SPTLC3: variants seen among roughly 807,000 people sequenced by gnomAD.
The protein encoded by SPTLC3 is serine palmitoyltransferase long chain base subunit 3, also known as serine palmitoyltransferase 3.
In SPTLC3, 36 loss-of-function variants were observed where a neutral mutation model predicts 59.3. That is an observed-to-expected ratio of 0.61 (90% CI 0.47 to 0.80). SPTLC3 has a LOEUF of 0.80. Among genes scored for constraint, SPTLC3 ranks in the 30% least tolerant of loss-of-function variants. The pLI is 0.00. For synonymous variants in SPTLC3, 257 were observed against 240.8 expected, an observed-to-expected ratio of 1.07 and a Z score of -0.62; for missense variants, 625 against 685.1, an observed-to-expected ratio of 0.91 and a Z score of 0.98.
intron 1 of SPTLC3, among the ~76,000 whole-genome samples, chr20:13,047,768 G>C (rs1388238313): frequency 6.6e-6 from 1 of 151,996 alleles, no homozygotes; most frequent in Non-Finnish European, 1.5e-5. Context: ...TTTTTACTAT[G>C]AAAAATTTCA....
chr20:13,031,257 G>A (rs1332791039), intron 1 of SPTLC3, among the ~76,000 whole-genome samples: 1 of 152,122 alleles, frequency 6.6e-6, no homozygotes, highest in Non-Finnish European at 1.5e-5. Context: ...TGAGAATATT[G>A]AGCACTTGAA....
At chr20:13,043,405 C>A (rs1267346945) in intron 1 of SPTLC3, among the ~76,000 whole-genome samples, 1 of 152,166 alleles carries the variant, frequency 6.6e-6, no homozygotes, top group Non-Finnish European at 1.5e-5. Flanking sequence ...TGTCATGTTG[C>A]ATGGGCTGCC....
chr20:13,018,123 T>C (rs1213977730), intron 1 of SPTLC3, among the ~76,000 whole-genome samples: 1 of 152,210 alleles, frequency 6.6e-6, no homozygotes, highest in Non-Finnish European at 1.5e-5. Context: ...TCATGGATCA[T>C]AGACCAGCTG....
At chr20:13,107,155 C>T (rs986402736) in intron 6 of SPTLC3, among the ~76,000 whole-genome samples, 5 of 152,182 alleles carry the variant, frequency 3.3e-5, no homozygotes, top group East Asian at 1.9e-4. Flanking sequence ...AGCATACAAA[C>T]GTCTGGGCCC....
rs1203522682 is a variant in SPTLC3 at position 13,167,485 on chromosome 20, T to A, written c.*2618T>A. 6.6e-6 allele frequency: 1 copy of A among 152,180 alleles called. No individual in the cohort carries two copies. The highest frequency in any genetic ancestry group is 1.5e-5 in the Non-Finnish European group (1 of 68,034). The allele number at this position is 152,180 out of a possible 1,614,324, so 9.4% of individuals were successfully genotyped here. On this transcript the variant is annotated 3_prime_UTR_variant, in exon 12 of 12. Coordinates refer to ENST00000399002, the MANE Select transcript of SPTLC3 (RefSeq NM_018327.4). ...CACACACACATACACATATGCATTT[T>A]TCCTTTACGGAGTAAGCAACTATGA... is the stretch of plus-strand genomic sequence containing the variant.
chr20:13,051,298 A>G (rs1267559626), intron 2 of SPTLC3, among the ~76,000 whole-genome samples: 1 of 152,242 alleles, frequency 6.6e-6, no homozygotes. Flanking sequence ...AGCTATTCTA[A>G]TATCAGACAA....
intron 1 of SPTLC3, among the ~76,000 whole-genome samples, chr20:13,030,012 A>G (rs1405047485): frequency 6.6e-6 from 1 of 152,202 alleles, no homozygotes; most frequent in African/African-American, 2.4e-5. Context: ...GTAGCTCAGC[A>G]AGGAGGTGCA....
chr20:13,154,275 C>CGT, intron 10 of SPTLC3, 137 bp downstream of exon 10: 4 of 1,120,434 alleles, frequency 3.6e-6, no homozygotes, highest in Non-Finnish European at 5.0e-6. Context: ...TCTCGGAAGC[C>CGT]ACCTGTCACT....
Position 13,167,851 on chromosome 20 carries a change from T to A in SPTLC3, c.*2984T>A, listed in dbSNP as rs1357077588. 2 of 152,210 alleles carry A rather than the reference T, an allele frequency of 1.3e-5. No individual in the cohort carries two copies. The highest frequency in any genetic ancestry group is 1.3e-4 in the Admixed American group (2 of 15,278). 9.4% of individuals were successfully genotyped at this position (152,210 alleles called of 1,614,324 possible). On this transcript the variant is annotated 3_prime_UTR_variant, in exon 12 of 12. Coordinates refer to ENST00000399002, the MANE Select transcript of SPTLC3 (RefSeq NM_018327.4). ...TTTAACCAGCCTTCCTGCGTGATTC[T>A]AATCTATGCCAAAATTTAAGAACAT...
chr20:13,070,830 A>T (rs1419518726), intron 2 of SPTLC3, among the ~76,000 whole-genome samples: 1 of 152,090 alleles, frequency 6.6e-6, no homozygotes, highest in Non-Finnish European at 1.5e-5. Context: ...GTTCTGAGCA[A>T]AGAGTGACAG....
At chr20:13,079,486 A>G (rs1465857673) in intron 4 of SPTLC3, among the ~76,000 whole-genome samples, 1 of 152,100 alleles carries the variant, frequency 6.6e-6, no homozygotes, top group East Asian at 1.9e-4. Flanking sequence ...AACAAAAACC[A>G]CCACCACCAC....
chr20:13,101,167 C>A (rs1384334620), intron 6 of SPTLC3, among the ~76,000 whole-genome samples: 1 of 152,168 alleles, frequency 6.6e-6, no homozygotes, highest in East Asian at 1.9e-4. Context: ...CCCACAAATT[C>A]CCATTTGTGA....
At position 13,165,597 on chromosome 20, in the gene SPTLC3, C is replaced by A. The variant is rs1202907505; in HGVS notation, c.*730C>A. The A allele has an allele frequency of 8.5e-5, 13 of 152,182 alleles. No homozygotes were observed. The allele number at this position is 152,182 out of a possible 1,614,324, so 9.4% of individuals were successfully genotyped here. On this transcript the variant is annotated 3_prime_UTR_variant, in exon 12 of 12. Coordinates refer to ENST00000399002, the MANE Select transcript of SPTLC3 (RefSeq NM_018327.4). Reference sequence around the variant, plus strand: ...GTTTCATAAGAAAAGGGGCAGAAAGCAAGCACAAGACACTTTTAGGTCTAG... The same window carrying A: ...GTTTCATAAGAAAAGGGGCAGAAAGAAAGCACAAGACACTTTTAGGTCTAG...
At chr20:13,030,681 T>G (rs926195281) in intron 1 of SPTLC3, among the ~76,000 whole-genome samples, 1 of 152,144 alleles carries the variant, frequency 6.6e-6, no homozygotes, top group Non-Finnish European at 1.5e-5. Context: ...ACAAAGTGGA[T>G]GGAGGTCCTC....
chr20:13,022,565 T>C (rs1056884368), intron 1 of SPTLC3, among the ~76,000 whole-genome samples: 23 of 152,256 alleles, frequency 1.5e-4, no homozygotes, highest in Middle Eastern at 3.4e-3. Flanking sequence ...CTTTCCAGAC[T>C]GCCTCCTCAG....
chr20:13,165,001 G>C lies in SPTLC3; in HGVS notation c.*134G>C. ...CCCAGACCAGCTTGATTGAACTGAGGGAGACGTTGTTGTTTTTAATGTCTC... is the reference window on the plus strand; with the variant it reads ...CCCAGACCAGCTTGATTGAACTGAGCGAGACGTTGTTGTTTTTAATGTCTC... On this transcript the variant is annotated 3_prime_UTR_variant, in exon 12 of 12. Transcript: ENST00000399002. 1 of 643,686 alleles carries C rather than the reference G, an allele frequency of 1.6e-6. No homozygotes were observed. Among genetic ancestry groups the C allele is most frequent in the Non-Finnish European group, 2.6e-6 (1 of 380,914 alleles). The allele number at this position is 643,686 out of a possible 1,614,324, so 39.9% of individuals were successfully genotyped here. A position where few individuals can be genotyped will look rare whatever the true frequency, so the allele number is the denominator to read the frequency against.
intron 6 of SPTLC3, among the ~76,000 whole-genome samples, chr20:13,103,708 G>A (rs1157474552): frequency 6.6e-6 from 1 of 152,196 alleles, no homozygotes. Flanking sequence ...CATAGGAGAG[G>A]GAGCAGGGGC....
At chr20:13,131,339 C>T (rs1170629227) in intron 9 of SPTLC3, among the ~76,000 whole-genome samples, 1 of 152,102 alleles carries the variant, frequency 6.6e-6, no homozygotes, top group Non-Finnish European at 1.5e-5. Context: ...GCAGTGGTGC[C>T]CGGCCTGACA....
chr20:13,076,944 G>A (rs1437844274), intron 4 of SPTLC3, among the ~76,000 whole-genome samples: 3 of 152,042 alleles, frequency 2.0e-5, no homozygotes, highest in African/African-American at 4.8e-5. Context: ...AAATACAGCT[G>A]GAAATGATAT....
Sources: gnomAD v4.1 joint callset for allele counts (sites outside exome capture counted in the v4.1 genomes callset) on GRCh38, gnomAD v4.1.1 for gene constraint, MANE v1.5 for transcripts, NCBI Gene and HGNC (gene_info 2026-07-23, HGNC 2026-07-21) for gene names.